MTARC1: variants seen among roughly 807,000 people sequenced by gnomAD.
The protein encoded by MTARC1 is mitochondrial amidoxime reducing component 1.
MTARC1 carries 24 observed loss-of-function variants against 33.6 expected under a neutral mutation model. That is an observed-to-expected ratio of 0.72 (90% CI 0.52 to 1.01). The LOEUF (loss-of-function observed/expected upper bound fraction) is 1.01, where lower values mean the gene tolerates loss of function less well. MTARC1 is among the 50% of genes least tolerant of loss of function. The pLI is 0.00. For missense variants in MTARC1, 417 were observed against 445.7 expected (o/e 0.94, Z 0.58); for synonymous variants, 187 against 189.5 (o/e 0.99, Z 0.11).
intron 6 of MTARC1, among the ~76,000 whole-genome samples, chr1:220,812,464 TA>T (rs2102611911): frequency 6.6e-6 from 1 of 152,332 alleles, no homozygotes; most frequent in South Asian, 2.1e-4. Context: ...GTTATTATGA[TA>T]GTCTGAGCAT....
intron 1 of MTARC1, among the ~76,000 whole-genome samples, chr1:220,788,536 C>T (rs1235092525): frequency 6.6e-6 from 1 of 152,090 alleles, no homozygotes; most frequent in Non-Finnish European, 1.5e-5. Flanking sequence ...CTTCTGTAAT[C>T]CCAGCACTTT....
At chr1:220,805,386 T>C in intron 6 of MTARC1, 112 bp downstream of exon 6, 3 of 1,162,474 alleles carry the variant, frequency 2.6e-6, no homozygotes, top group Non-Finnish European at 3.8e-6. Flanking sequence ...ACACATAGTC[T>C]TGAAACTCAA....
intron 6 of MTARC1, among the ~76,000 whole-genome samples, chr1:220,809,965 G>C (rs924158270): frequency 1.5e-4 from 23 of 152,146 alleles, no homozygotes; most frequent in Non-Finnish European, 5.9e-5. Context: ...AACCAGGCAG[G>C]GTAAACAAGG....
Position 220,813,485 on chromosome 1 carries a change from A to G in MTARC1, c.*67A>G. On this transcript the variant is annotated 3_prime_UTR_variant, in exon 7 of 7. Coordinates refer to ENST00000366910, the MANE Select transcript of MTARC1 (RefSeq NM_022746.4). ...TGTTCTCAAAAATGACAACACTTGAAGCATGGTGTTTCAGAACTGAGACCT... is the reference window on the plus strand; with the variant it reads ...TGTTCTCAAAAATGACAACACTTGAGGCATGGTGTTTCAGAACTGAGACCT... 4 of 1,589,178 alleles carry G rather than the reference A, an allele frequency of 2.5e-6. No homozygotes were observed. Among genetic ancestry groups the G allele is most frequent in the Non-Finnish European group, 3.4e-6 (4 of 1,162,924 alleles).
rs141446287 is a variant in MTARC1, at chr1:220,791,547, G to A, written c.332G>A (p.Arg111His). The A allele has an allele frequency of 1.4e-5, 23 of 1,614,018 alleles. No individual in the cohort carries two copies. The highest frequency in any genetic ancestry group is 6.7e-5 in the African/African-American group (5 of 74,898). The change falls in exon 2 of 7, where the codon CGC becomes CAC. Residue 111 changes from arginine to histidine, a missense_variant. Coordinates refer to ENST00000366910, the MANE Select transcript of MTARC1 (RefSeq NM_022746.4). The stretch of plus-strand genomic sequence containing the variant: ...ATGGTTACTGCTCGCCAGGAACCTC[G>A]CCTGGTCCTGATTTCCCTGACCTGC... ...GNMVTARQEP[R>H]LVLISLTCDG...
In MTARC1 at chr1:220,786,918, C is replaced by A. The variant is rs1034722347; in HGVS notation, c.-27C>A. On this transcript the variant is annotated 5_prime_UTR_variant, in exon 1 of 7. Coordinates refer to ENST00000366910, the MANE Select transcript of MTARC1 (RefSeq NM_022746.4). ...GGCGACCAGCGCGCTCCGGCCTTGC[C>A]GCCGCCACCTCGCGGAGAAGCCAGC... is the stretch of plus-strand genomic sequence containing the variant. 2 of 1,229,430 alleles carry A rather than the reference C, an allele frequency of 1.6e-6. No homozygotes were observed. Among genetic ancestry groups the A allele is most frequent in the Non-Finnish European group, 1.0e-6 (1 of 987,692 alleles). 76.2% of individuals were successfully genotyped at this position (1,229,430 alleles called of 1,614,324 possible).
Position 220,804,928 on chromosome 1 carries a change from A to C in MTARC1, c.754-124A>C, listed in dbSNP as rs1023483179. 2.9e-6 allele frequency: 3 copies of C among 1,042,436 alleles called. No homozygotes were observed. The African/African-American group carries it at 4.7e-5, about 16-fold the overall frequency. 64.6% of individuals were successfully genotyped at this position (1,042,436 alleles called of 1,614,324 possible). ...CTTGGCAGAGCAGGGCTGGGGGAGAACAGAAGGCTGCCATCACTGATGTGG... is the reference window on the plus strand; with the variant it reads ...CTTGGCAGAGCAGGGCTGGGGGAGACCAGAAGGCTGCCATCACTGATGTGG... On this transcript the variant is annotated intron_variant, in intron 4 of 6. Coordinates refer to ENST00000366910, the MANE Select transcript of MTARC1 (RefSeq NM_022746.4).
At chr1:220,794,032 G>C (rs1298677099) in intron 2 of MTARC1, 1 of 152,168 alleles carries the variant, frequency 6.6e-6, no homozygotes, top group African/African-American at 2.4e-5. Flanking sequence ...CAGATTAGCA[G>C]GGCAGATGTT....
chr1:220,810,611 G>T (rs1243838222), intron 6 of MTARC1, among the ~76,000 whole-genome samples: 1 of 152,254 alleles, frequency 6.6e-6, no homozygotes, highest in African/African-American at 2.4e-5. Flanking sequence ...GTGCCGAGAG[G>T]GGCAGCCGCT....
At chr1:220,801,105 G>A (rs771867936) in intron 4 of MTARC1, among the ~76,000 whole-genome samples, 3 of 152,168 alleles carry the variant, frequency 2.0e-5, no homozygotes, top group Non-Finnish European at 4.4e-5. Context: ...CTTTCTTCAA[G>A]TAAAAGATGG....
chr1:220,813,028 G>A (rs1008235533), intron 6 of MTARC1, among the ~76,000 whole-genome samples: 2 of 152,156 alleles, frequency 1.3e-5, no homozygotes, highest in East Asian at 1.9e-4. Context: ...ACCTGGCCAA[G>A]TATCTAACGT....
In MTARC1 at chr1:220,797,867, T is replaced by A. The variant is rs753682469; in HGVS notation, c.613-7T>A. On this transcript the variant is annotated splice_region_variant and splice_polypyrimidine_tract_variant and intron_variant, in intron 3 of 6. Coordinates refer to ENST00000366910, the MANE Select transcript of MTARC1 (RefSeq NM_022746.4). ...ATGTGTTATAACAATGTCTATTTCC[T>A]TATCAGATTGCTTACTCAGACACCA... 2 of 1,614,058 alleles carry A rather than the reference T, an allele frequency of 1.2e-6. No individual in the cohort carries two copies. Among genetic ancestry groups the A allele is most frequent in the East Asian group, 4.5e-5 (2 of 44,890 alleles).
At chr1:220,808,030 T>G (rs1673022135) in intron 6 of MTARC1, among the ~76,000 whole-genome samples, 2 of 152,140 alleles carry the variant, frequency 1.3e-5, no homozygotes, top group Admixed American at 1.3e-4. Context: ...TCTGTGTAAA[T>G]CAGCCAAGTG....
intron 6 of MTARC1, among the ~76,000 whole-genome samples, chr1:220,806,582 C>G (rs1558092483): frequency 6.6e-6 from 1 of 152,156 alleles, no homozygotes; most frequent in Non-Finnish European, 1.5e-5. Context: ...TTTTGGGGGC[C>G]AATGATTCAG....
chr1:220,805,170 G>A, intron 5 of MTARC1, 33 bp from the exon 6 acceptor site: 1 of 1,613,978 alleles, frequency 6.2e-7, no homozygotes, highest in Non-Finnish European at 8.5e-7. Context: ...GCTCTGCTCT[G>A]TCCCCCTTAT....
intron 6 of MTARC1, among the ~76,000 whole-genome samples, chr1:220,810,003 T>C (rs1012648400): frequency 6.6e-6 from 1 of 152,248 alleles, no homozygotes; most frequent in Admixed American, 6.5e-5. Flanking sequence ...CACAGCACTT[T>C]AACGGTAACA....
intron 4 of MTARC1, among the ~76,000 whole-genome samples, chr1:220,803,424 A>C (rs1388945532): frequency 6.6e-6 from 1 of 152,172 alleles, no homozygotes; most frequent in African/African-American, 2.4e-5. Flanking sequence ...AAAGCTCCAA[A>C]CTGCAAACTG....
chr1:220,804,350 T>C (rs898784232), intron 4 of MTARC1, among the ~76,000 whole-genome samples: 1 of 152,180 alleles, frequency 6.6e-6, no homozygotes, highest in African/African-American at 2.4e-5. Context: ...GGAGTGCTTT[T>C]TGTGAATATT....
At chr1:220,805,372 C>CCA (rs975649508) in intron 6 of MTARC1, 98 bp downstream of exon 6, 2 of 1,284,082 alleles carry the variant, frequency 1.6e-6, no homozygotes, top group African/African-American at 2.9e-5. Context: ...AGTGAAAACA[C>CCA]CACACACATA....
Sources: allele counts gnomAD v4.1 joint callset (sites outside exome capture counted in the v4.1 genomes callset), GRCh38; gene constraint gnomAD v4.1.1; transcripts MANE v1.5; gene names NCBI Gene and HGNC (gene_info 2026-07-23, HGNC 2026-07-21).